The following COL22A1 variants were observed in gnomAD, a reference collection of about 807,000 sequenced individuals.
COL22A1 encodes the protein collagen alpha-1(XXII) chain.
COL22A1 carries 221 observed loss-of-function variants against 248.9 expected under a neutral mutation model. That is an observed-to-expected ratio of 0.89 (90% confidence interval 0.80 to 0.99). The LOEUF is 0.99. COL22A1 is among the 50% of genes least tolerant of loss of function. The probability of loss-of-function intolerance (pLI) is 0.00; values close to 1 mark genes in which losing one functional copy is unlikely to be tolerated. For missense variants in COL22A1, 2,240 were observed against 2,179.0 expected, an observed-to-expected ratio of 1.03 and a Z score of -0.56; for synonymous variants, 891 against 793.4, an observed-to-expected ratio of 1.12 and a Z score of -2.07.
chr8:138,757,788 A>G (rs140475201), intron 18 of COL22A1, among the ~76,000 whole-genome samples: 81 of 152,360 alleles, frequency 5.3e-4, no homozygotes, highest in Non-Finnish European at 8.2e-4. Flanking sequence ...AGTACATAAT[A>G]GGACCAAAAG....
intron 7 of COL22A1, among the ~76,000 whole-genome samples, chr8:138,819,850 C>T (rs1211287057): frequency 4.0e-4 from 61 of 151,640 alleles, no homozygotes; most frequent in Admixed American, 4.0e-3. Context: ...TATCCCACAG[C>T]CCAATCATTA....
At chr8:138,908,116 C>G (rs909229313) in intron 1 of COL22A1, among the ~76,000 whole-genome samples, 1 of 152,188 alleles carries the variant, frequency 6.6e-6, no homozygotes, top group Admixed American at 6.5e-5. Flanking sequence ...ACTGGGTCCA[C>G]AGCAAGCATT....
intron 63 of COL22A1, among the ~76,000 whole-genome samples, chr8:138,592,749 T>C (rs2036280312): frequency 6.6e-6 from 1 of 152,110 alleles, no homozygotes; most frequent in African/African-American, 2.4e-5. Context: ...CGGACAGGAG[T>C]GAATTATGGG....
intron 6 of COL22A1, among the ~76,000 whole-genome samples, chr8:138,822,632 C>T (rs978971189): frequency 1.3e-5 from 2 of 152,174 alleles, no homozygotes; most frequent in African/African-American, 4.8e-5. Context: ...CTCCCTGCTC[C>T]CAGGATCTGA....
chr8:138,860,053 A>G (rs1016625771), intron 3 of COL22A1, among the ~76,000 whole-genome samples: 6 of 152,018 alleles, frequency 3.9e-5, no homozygotes. Context: ...TTTCCTAACT[A>G]ACCAGCCAAC....
chr8:138,595,479 A>G (rs1437176197), intron 62 of COL22A1, among the ~76,000 whole-genome samples: 1 of 93,990 alleles, frequency 1.1e-5, no homozygotes, highest in Non-Finnish European at 2.4e-5. Context: ...GGTAGAACTC[A>G]GAGATCTACA....
intron 25 of COL22A1, among the ~76,000 whole-genome samples, chr8:138,723,127 T>G (rs1830027731): frequency 6.6e-6 from 1 of 152,102 alleles, no homozygotes; most frequent in South Asian, 2.1e-4. Flanking sequence ...GGAAATCATT[T>G]CCCCCAGCGG....
At chr8:138,707,207 T>C (rs1346285405) in intron 30 of COL22A1, among the ~76,000 whole-genome samples, 1 of 152,000 alleles carries the variant, frequency 6.6e-6, no homozygotes, top group Non-Finnish European at 1.5e-5. Flanking sequence ...CTACCAGAGG[T>C]ACAAAGAGGA....
chr8:138,860,051 C>T (rs1822334050), intron 3 of COL22A1, among the ~76,000 whole-genome samples: 1 of 152,166 alleles, frequency 6.6e-6, no homozygotes, highest in Non-Finnish European at 1.5e-5. Flanking sequence ...CATTTCCTAA[C>T]TAACCAGCCA....
intron 22 of COL22A1, 54 bp downstream of exon 22, chr8:138,751,404 T>C: frequency 7.9e-7 from 1 of 1,259,052 alleles, no homozygotes; most frequent in Non-Finnish European, 1.1e-6. Flanking sequence ...CATTATAAAA[T>C]AGGGACCAGT....
Position 138,616,922 on chromosome 8 carries a change from C to T in COL22A1, c.3862G>A (p.Gly1288Ser), listed in dbSNP as rs769380944. The change falls in exon 54 of 65, where the codon GGT becomes AGT. Residue 1288 changes from glycine to serine, a missense_variant. By Grantham distance (56) the Gly-to-Ser change is moderately conservative. Transcript: ENST00000303045. ...GTGAGGCGCCCACTTACCCGGGGAC[C>T]GGGTGCACCAGAATCGCCTGTGTGT... ...KGHTGDSGAP[G>S]PRGESGAMGL... The T allele has an allele frequency of 4.3e-6, 7 of 1,614,028 alleles. No homozygotes were observed. Among genetic ancestry groups the T allele is most frequent in the South Asian group, 2.2e-5 (2 of 91,078 alleles).
chr8:138,891,076 A>C (rs1825034742), intron 1 of COL22A1, among the ~76,000 whole-genome samples: 2 of 152,216 alleles, frequency 1.3e-5, no homozygotes, highest in African/African-American at 4.8e-5. Flanking sequence ...TGCAAAAAGA[A>C]AACTAGGAAA....
chr8:138,796,611 C>T (rs571682304), intron 12 of COL22A1, among the ~76,000 whole-genome samples: 1 of 151,864 alleles, frequency 6.6e-6, no homozygotes, highest in South Asian at 2.1e-4. Context: ...TTTCTGTCTC[C>T]ACCTTCTCTC....
At chr8:138,902,029 C>G (rs977085950) in intron 1 of COL22A1, among the ~76,000 whole-genome samples, 2 of 152,028 alleles carry the variant, frequency 1.3e-5, no homozygotes, top group Non-Finnish European at 2.9e-5. Context: ...GATAACTGCA[C>G]AAATAGGAGA....
At chr8:138,706,168 A>G (rs1444421902) in intron 30 of COL22A1, among the ~76,000 whole-genome samples, 1 of 152,140 alleles carries the variant, frequency 6.6e-6, no homozygotes, top group African/African-American at 2.4e-5. Context: ...AAAGACTTAG[A>G]CTCCCACACA....
chr8:138,813,322 G>T (rs1215657579), intron 7 of COL22A1, among the ~76,000 whole-genome samples: 1 of 152,126 alleles, frequency 6.6e-6, no homozygotes, highest in Non-Finnish European at 1.5e-5. Context: ...CTGAATCATG[G>T]AGAGGGTTTC....
chr8:138,811,877 G>A lies in COL22A1; in HGVS notation c.1371C>T (p.Pro457=). ...CACTGCCTGGGGTGGGAGGCCGCTG[G>A]GGTGGGGGTGGAGGTGGAGGCTCTG... is the stretch of plus-strand genomic sequence containing the variant. The part of the protein sequence containing the change: ...VVTEPPPPPP[P]QRPPTPGSEQ... Residue 457 remains proline, a synonymous_variant, in exon 9 of 65, where the codon CCC becomes CCT. Transcript: ENST00000303045. 1.3e-6 allele frequency: 2 copies of A among 1,580,764 alleles called. No homozygotes were observed. The highest frequency in any genetic ancestry group is 1.3e-5 in the African/African-American group (1 of 74,176).
At chr8:138,828,940 G>A (rs1421609793) in intron 5 of COL22A1, among the ~76,000 whole-genome samples, 1 of 152,140 alleles carries the variant, frequency 6.6e-6, no homozygotes, top group Admixed American at 6.5e-5. Context: ...ATCCTGCCCT[G>A]GGGGCTGGGG....
chr8:138,834,498 T>C (rs1391499765), intron 4 of COL22A1, among the ~76,000 whole-genome samples: 1 of 152,140 alleles, frequency 6.6e-6, no homozygotes, highest in Non-Finnish European at 1.5e-5. Context: ...GTAAGAAATG[T>C]CAGGGAGGGA....
Sources: allele counts gnomAD v4.1 joint callset (sites outside exome capture counted in the v4.1 genomes callset), GRCh38; gene constraint gnomAD v4.1.1; transcripts MANE v1.5; gene names NCBI Gene and HGNC (gene_info 2026-07-23, HGNC 2026-07-21).